The following FSTL4 variants were observed in gnomAD, a reference collection of about 807,000 sequenced individuals.
FSTL4 encodes follistatin-related protein 4.
In FSTL4, 28 loss-of-function variants were observed where a neutral mutation model predicts 78.2. That is an observed-to-expected ratio of 0.36 (90% confidence interval 0.27 to 0.49). The LOEUF is 0.49. FSTL4 is among the 20% of genes least tolerant of loss of function. The pLI, the probability that FSTL4 is intolerant of heterozygous loss-of-function variation, is 0.98. For missense variants in FSTL4, 922 were observed against 1,084.9 expected, an observed-to-expected ratio of 0.85 and a Z score of 2.11; for synonymous variants, 422 against 440.5, an observed-to-expected ratio of 0.96 and a Z score of 0.53.
At chr5:133,668,218 T>C in the FSTL4 span, among the ~76,000 whole-genome samples, 1 of 152,120 alleles carries the variant, frequency 6.6e-6, no homozygotes, top group Non-Finnish European at 1.5e-5. Context: ...GTCAGCACAA[T>C]TCTCTCATAT....
At chr5:133,755,283 C>T in the FSTL4 span, among the ~76,000 whole-genome samples, 1 of 152,190 alleles carries the variant, frequency 6.6e-6, no homozygotes, top group South Asian at 2.1e-4. Flanking sequence ...CAGGATAGCA[C>T]TCTCACTCTG....
intron 6 of FSTL4, among the ~76,000 whole-genome samples, chr5:133,255,744 G>T (rs1479643286): frequency 6.6e-6 from 1 of 152,208 alleles, no homozygotes; most frequent in Non-Finnish European, 1.5e-5. Context: ...GAGAGAAGAG[G>T]CAGTCACAGG....
At chr5:133,474,959 C>T (rs930234613) in intron 3 of FSTL4, among the ~76,000 whole-genome samples, 3 of 152,216 alleles carry the variant, frequency 2.0e-5, no homozygotes, top group Non-Finnish European at 2.9e-5. Context: ...CATTCCGTGG[C>T]CCCGAAGTCA....
chr5:133,268,802 G>A (rs954115219), intron 6 of FSTL4, among the ~76,000 whole-genome samples: 1 of 152,212 alleles, frequency 6.6e-6, no homozygotes. Flanking sequence ...GCCAATTGCA[G>A]TATTATCTAG....
intron 7 of FSTL4, among the ~76,000 whole-genome samples, chr5:133,245,054 A>C (rs2126817311): frequency 6.8e-6 from 1 of 147,976 alleles, no homozygotes; most frequent in East Asian, 2.1e-4. Context: ...CTGGAGGTCG[A>C]GGCTGCAGTG....
the FSTL4 span, among the ~76,000 whole-genome samples, chr5:133,770,667 T>C: frequency 3.3e-5 from 5 of 152,184 alleles, no homozygotes; most frequent in African/African-American, 1.2e-4. Context: ...ATTCTACAGG[T>C]TGTCTGTTTA....
intron 6 of FSTL4, among the ~76,000 whole-genome samples, chr5:133,280,764 C>T (rs1752990069): frequency 6.6e-6 from 1 of 152,218 alleles, no homozygotes; most frequent in South Asian, 2.1e-4. Context: ...CTACAGCTTC[C>T]CTGGCCCTCC....
chr5:133,537,501 ATT>A lies in FSTL4; in HGVS notation c.160+29683_160+29684del, dbSNP rs368876535. ...TATCCTAGTAATGTATTCACAGAGC[ATT>A]TGGCTTTTCTACACAACCATATCAT... On this transcript the variant is annotated intron_variant, in intron 3 of 15. Transcript: ENST00000265342. 2.0e-3 allele frequency among the ~76,000 whole-genome samples: 307 copies of A among 152,300 alleles called. 1 individual carries two copies. Among genetic ancestry groups the A allele is most frequent in the Middle Eastern group, 0.01 (3 of 294 alleles).
intron 3 of FSTL4, among the ~76,000 whole-genome samples, chr5:133,436,485 G>T (rs750610928): frequency 1.3e-4 from 20 of 152,116 alleles, no homozygotes; most frequent in Non-Finnish European, 7.4e-5. Context: ...GACCATGCAG[G>T]ATCTTTTGGA....
chr5:133,209,760 T>C (rs1193808519), intron 14 of FSTL4: 1 of 175,728 alleles, frequency 5.7e-6, no homozygotes, highest in African/African-American at 2.3e-5. Flanking sequence ...CCTAGCACAC[T>C]GTAAGCACTT....
chr5:133,265,900 T>G (rs1021559283), intron 6 of FSTL4, among the ~76,000 whole-genome samples: 2 of 151,724 alleles, frequency 1.3e-5, no homozygotes, highest in East Asian at 1.9e-4. Flanking sequence ...CTGTGCTGAG[T>G]GTGGTTGGGA....
chr5:133,705,868 C>T, the FSTL4 span, among the ~76,000 whole-genome samples: 1 of 139,806 alleles, frequency 7.2e-6, no homozygotes, highest in Non-Finnish European at 1.5e-5. Flanking sequence ...CACACACACA[C>T]GCACACACAC....
rs987408135 is a variant in FSTL4 at position 133,484,527 on chromosome 5, T to C, written c.160+82659A>G. 5.9e-5 allele frequency among the ~76,000 whole-genome samples: 9 copies of C among 152,308 alleles called. No individual in the cohort carries two copies. The East Asian group carries it at 1.7e-3, about 29-fold the overall frequency. On this transcript the variant is annotated intron_variant, in intron 3 of 15. Coordinates refer to ENST00000265342, the MANE Select transcript of FSTL4 (RefSeq NM_015082.2). ...AATCATCATGTGTCAAAGAGAAATA[T>C]GCTATTCTATAAGGTTTAAAACAGG...
chr5:133,423,767 A>G (rs1427345993), intron 3 of FSTL4, among the ~76,000 whole-genome samples: 1 of 152,178 alleles, frequency 6.6e-6, no homozygotes, highest in Non-Finnish European at 1.5e-5. Flanking sequence ...GAGTACAGAC[A>G]AATGACTCAT....
chr5:133,223,748 G>C (rs1751235210), intron 11 of FSTL4, among the ~76,000 whole-genome samples: 2 of 152,184 alleles, frequency 1.3e-5, no homozygotes, highest in Admixed American at 1.3e-4. Context: ...TACATTGGCA[G>C]AAATCATGGC....
At chr5:133,558,870 AGAGT>A (rs1023156805) in intron 3 of FSTL4, among the ~76,000 whole-genome samples, 11 of 152,216 alleles carry the variant, frequency 7.2e-5, no homozygotes, top group African/African-American at 2.7e-4. Context: ...GGCCAAATGC[AGAGT>A]GAGTGAGGCC....
At chr5:133,610,793 A>C (rs949496000) in intron 1 of FSTL4, among the ~76,000 whole-genome samples, 2 of 152,150 alleles carry the variant, frequency 1.3e-5, no homozygotes, top group African/African-American at 4.8e-5. Context: ...GTTTCCCCTA[A>C]ATTTGGCAGT....
the FSTL4 span, among the ~76,000 whole-genome samples, chr5:133,639,062 T>TA: frequency 6.6e-6 from 1 of 152,144 alleles, no homozygotes; most frequent in Admixed American, 6.5e-5. Flanking sequence ...TTGCTGCACT[T>TA]ATCAACTCGT....
chr5:133,837,443 G>T, the FSTL4 span, among the ~76,000 whole-genome samples: 1 of 152,048 alleles, frequency 6.6e-6, no homozygotes, highest in Non-Finnish European at 1.5e-5. Context: ...TATTGTCTTT[G>T]TGCACACCTA....
Sources: gnomAD v4.1 joint callset for allele counts (sites outside exome capture counted in the v4.1 genomes callset) on GRCh38, gnomAD v4.1.1 for gene constraint, MANE v1.5 for transcripts, NCBI Gene and HGNC (gene_info 2026-07-23, HGNC 2026-07-21) for gene names.